The following ALDH1A1 variants were observed in gnomAD, a reference collection of about 807,000 sequenced individuals.
ALDH1A1 encodes the protein aldehyde dehydrogenase 1A1.
A neutral mutation model predicts 62.1 loss-of-function variants in ALDH1A1; 19 were observed. The ratio of observed to expected loss-of-function variants is 0.31; its 90% confidence interval spans 0.21 to 0.45. The LOEUF is 0.45. Ranked by LOEUF, ALDH1A1 falls within the 20% of genes least tolerant of loss-of-function variation. ALDH1A1 has a pLI of 1.00. For missense variants in ALDH1A1, 521 were observed against 607.1 expected (o/e 0.86, Z 1.49); for synonymous variants, 231 against 215.9 (o/e 1.07, Z -0.61).
At chr9:72,910,986 A>G (rs1829976526) in intron 10 of ALDH1A1, among the ~76,000 whole-genome samples, 1 of 152,198 alleles carries the variant, frequency 6.6e-6, no homozygotes, top group South Asian at 2.1e-4. Flanking sequence ...TTATAGGAAC[A>G]CAATAAATGT....
At chr9:72,921,500 A>G (rs1370920539) in intron 7 of ALDH1A1, among the ~76,000 whole-genome samples, 2 of 130,444 alleles carry the variant, frequency 1.5e-5, no homozygotes. Context: ...TTCACATTTA[A>G]TTCTTTTTTT....
Position 72,917,539 on chromosome 9 carries a change from A to G in ALDH1A1, c.851-435T>C, listed in dbSNP as rs890836087. On this transcript the variant is annotated intron_variant, in intron 8 of 12. Coordinates refer to ENST00000297785, the MANE Select transcript of ALDH1A1 (RefSeq NM_000689.5). ...CAAAAGATTCTTAAATACTCTACTC[A>G]ACAGGAAATGTGATCTTTGTGGGAA... Among the ~76,000 whole-genome samples the G allele has an allele frequency of 5.3e-5, 8 of 152,282 alleles. No individual in the cohort carries two copies. In the East Asian group the frequency reaches 1.5e-3, roughly 29 times the overall value.
At chr9:72,924,920 G>C (rs979089128) in intron 6 of ALDH1A1, among the ~76,000 whole-genome samples, 13 of 152,198 alleles carry the variant, frequency 8.5e-5, no homozygotes, top group African/African-American at 3.1e-4. Context: ...GATAGCTGAT[G>C]AAAATGTTTT....
chr9:72,925,996 A>G (rs1485152613), intron 5 of ALDH1A1, among the ~76,000 whole-genome samples: 2 of 152,208 alleles, frequency 1.3e-5, no homozygotes, highest in Non-Finnish European at 2.9e-5. Flanking sequence ...TTTACCCAAT[A>G]ATATTATTTA....
intron 10 of ALDH1A1, 43 bp downstream of exon 10, chr9:72,911,915 A>G: frequency 6.2e-7 from 1 of 1,610,320 alleles, no homozygotes; most frequent in Non-Finnish European, 8.5e-7. Flanking sequence ...CAAACAGACA[A>G]AACATGGCAA....
chr9:72,923,482 C>T (rs1423797600), intron 7 of ALDH1A1, among the ~76,000 whole-genome samples: 1 of 152,132 alleles, frequency 6.6e-6, no homozygotes, highest in East Asian at 1.9e-4. Flanking sequence ...CTGCCCGCCA[C>T]TTCTCCTTTG....
intron 1 of ALDH1A1, among the ~76,000 whole-genome samples, chr9:72,948,052 G>A (rs1308691455): frequency 6.6e-6 from 1 of 151,904 alleles, no homozygotes; most frequent in Non-Finnish European, 1.5e-5. Context: ...AATTCTCACA[G>A]CCACTTTCCA....
At chr9:72,947,402 G>T (rs2118581707) in intron 1 of ALDH1A1, among the ~76,000 whole-genome samples, 1 of 152,084 alleles carries the variant, frequency 6.6e-6, no homozygotes, top group Admixed American at 6.6e-5. Context: ...GACCCTTGCT[G>T]CTGGTCAACA....
Position 72,927,168 on chromosome 9 carries a change from A to G in ALDH1A1, c.452T>C (p.Phe151Ser), listed in dbSNP as rs879478977. The part of the protein sequence containing the change: ...QGRTIPIDGN[F>S]FTYTRHEPIG... ...AGGTTCATGTCTTGTATATGTAAAA[A>G]AATTTCCATCTGAAAAATAAAACAC... Residue 151 changes from phenylalanine (F) to serine (S), a missense_variant, in exon 5 of 13, where the codon TTT (phenylalanine) becomes TCT (serine). Physicochemically the swap from Phe to Ser is radical, Grantham distance 155 (BLOSUM62 -2). Coordinates refer to ENST00000297785, the MANE Select transcript of ALDH1A1 (RefSeq NM_000689.5). 3 of 1,602,870 alleles carry G rather than the reference A, an allele frequency of 1.9e-6. No individual in the cohort carries two copies. The highest frequency in any genetic ancestry group is 1.3e-5 in the African/African-American group (1 of 74,180).
At chr9:72,904,433 T>C (rs900504910) in intron 12 of ALDH1A1, among the ~76,000 whole-genome samples, 1 of 152,080 alleles carries the variant, frequency 6.6e-6, no homozygotes, top group African/African-American at 2.4e-5. Flanking sequence ...CACTAGCCCC[T>C]CAACATACCA....
chr9:72,918,853 T>C (rs760852947), intron 7 of ALDH1A1, 31 bp from the exon 8 acceptor site: 1 of 1,509,586 alleles, frequency 6.6e-7, no homozygotes, highest in Non-Finnish European at 9.2e-7. Context: ...GGAGGAGGCT[T>C]ACCCTGCTCT....
At chr9:72,950,589 G>C (rs1419459798) in intron 1 of ALDH1A1, among the ~76,000 whole-genome samples, 1 of 151,566 alleles carries the variant, frequency 6.6e-6, no homozygotes, top group East Asian at 1.9e-4. Flanking sequence ...TCTTTTGTTT[G>C]GGTGAAAAGC....
intron 7 of ALDH1A1, among the ~76,000 whole-genome samples, chr9:72,920,191 C>T (rs1373103736): frequency 6.6e-6 from 1 of 152,090 alleles, no homozygotes; most frequent in Non-Finnish European, 1.5e-5. Flanking sequence ...GAACTAACTG[C>T]TACTGTGAAT....
intron 6 of ALDH1A1, among the ~76,000 whole-genome samples, 200 bp downstream of exon 6, chr9:72,925,284 G>T (rs367813431): frequency 6.6e-6 from 1 of 152,314 alleles, no homozygotes; most frequent in Non-Finnish European, 1.5e-5. Context: ...TTTGTGTTTG[G>T]CTTCCTGTCT....
rs1438292285 is a variant in ALDH1A1, at chr9:72,945,297, G to C, written c.67-5045C>G. On this transcript the variant is annotated intron_variant, in intron 1 of 12. Transcript: ENST00000297785. ...GGGGAGCCCCTGACTCCTTGCAAAA[G>C]ATACTCAGAGTGCCTTAAATTAATA... Among the ~76,000 whole-genome samples the C allele has an allele frequency of 2.0e-5, 3 of 151,898 alleles. No individual in the cohort carries two copies. In the East Asian group the frequency reaches 5.8e-4, roughly 29 times the overall value.
chr9:72,918,037 T>C (rs1368111714), intron 8 of ALDH1A1, among the ~76,000 whole-genome samples: 1 of 152,206 alleles, frequency 6.6e-6, no homozygotes, highest in Admixed American at 6.5e-5. Context: ...CCATGAACCA[T>C]TTGTATTTAC....
intron 11 of ALDH1A1, among the ~76,000 whole-genome samples, chr9:72,909,155 CTTTTTTTTT>C (rs5898281): frequency 6.6e-5 from 5 of 75,534 alleles, no homozygotes; most frequent in Non-Finnish European, 9.1e-5. Flanking sequence ...TCCAATACAG[CTTTTTTTTT>C]TTTTTTTTTT....
At chr9:72,915,794 T>C (rs1830054556) in intron 9 of ALDH1A1, among the ~76,000 whole-genome samples, 1 of 152,244 alleles carries the variant, frequency 6.6e-6, no homozygotes, top group Admixed American at 6.5e-5. Flanking sequence ...AAGTCCTCTT[T>C]GTTCTTTTTG....
chr9:72,920,018 T>A (rs531292764), intron 7 of ALDH1A1, among the ~76,000 whole-genome samples: 1 of 152,334 alleles, frequency 6.6e-6, no homozygotes, highest in South Asian at 2.1e-4. Context: ...AACATGTTCT[T>A]TGCCTTTCTT....
Sources: allele counts gnomAD v4.1 joint callset (sites outside exome capture counted in the v4.1 genomes callset), GRCh38; gene constraint gnomAD v4.1.1; transcripts MANE v1.5; gene names NCBI Gene and HGNC (gene_info 2026-07-23, HGNC 2026-07-21).